Variants in PHACTR2 observed in about 807,000 individuals in gnomAD.
PHACTR2 encodes phosphatase and actin regulator 2, also known as chromosome 6 open reading frame 56.
A neutral mutation model predicts 76.0 loss-of-function variants in PHACTR2; 30 were observed. The observed-to-expected ratio is 0.39, with a 90% CI of 0.30 to 0.54. PHACTR2 has a LOEUF of 0.54. Ranked by LOEUF, PHACTR2 falls within the 20% of genes least tolerant of loss-of-function variation. The pLI is 0.61. For missense variants in PHACTR2, 696 were observed against 781.1 expected (o/e 0.89, Z 1.30); for synonymous variants, 292 against 292.5 (o/e 1.00, Z 0.02).
At chr6:143,762,366 T>C (rs546286229) in intron 5 of PHACTR2, among the ~76,000 whole-genome samples, 1 of 152,316 alleles carries the variant, frequency 6.6e-6, no homozygotes, top group Non-Finnish European at 1.5e-5. Context: ...TTTTTCCAGA[T>C]ATTTTGCTTG....
Position 143,557,808 on chromosome 6 carries a change from G to C in PHACTR2, c.217+20601G>C, listed in dbSNP as rs1160107579. 5 of 152,200 alleles carry C rather than the reference G, an allele frequency of 3.3e-5. No individual in the cohort carries two copies. The South Asian group carries it at 1.0e-3, about 32-fold the overall frequency. 9.4% of individuals were successfully genotyped at this position (152,200 alleles called of 1,614,324 possible). On this transcript the variant is annotated intron_variant, in intron 1 of 11. Transcript: ENST00000367584. The surrounding 1 kb of genome is among the most constrained non-coding windows in gnomAD (Gnocchi z 5.5). The stretch of plus-strand genomic sequence containing the variant: ...ATAGAAATGTAAAAGTTGACACCTT[G>C]TCAGTGGGAAGCGAAGTCAGGTCAT...
chr6:143,676,133 G>A (rs181939488), upstream of PHACTR2, among the ~76,000 whole-genome samples: 118 of 152,276 alleles, frequency 7.7e-4, no homozygotes, highest in Non-Finnish European at 1.3e-3. The surrounding 1 kb of genome is among the most constrained non-coding windows in gnomAD (Gnocchi z 4.8). Flanking sequence ...TAATGTAATG[G>A]AACTGGAAGA....
chr6:143,538,974 G>T (rs535976398), intron 1 of PHACTR2, among the ~76,000 whole-genome samples: 1 of 152,286 alleles, frequency 6.6e-6, no homozygotes, highest in East Asian at 1.9e-4. Context: ...GGATTATTTT[G>T]ATTGATTTCT....
In PHACTR2 at chr6:143,567,526, G is replaced by A. The variant is rs537432513; in HGVS notation, c.217+30319G>A. Among the ~76,000 whole-genome samples, 7 of 152,268 alleles carry A rather than the reference G, an allele frequency of 4.6e-5. No homozygotes were observed. In the East Asian group the frequency reaches 9.6e-4, roughly 21 times the overall value. ...TGATTCTTCTGTCTGAGCCTCCTGC[G>A]TAGCTGGAACTACAGGCACACGCCG... On this transcript the variant is annotated intron_variant, in intron 1 of 11. Transcript: ENST00000367584.
intron 1 of PHACTR2, among the ~76,000 whole-genome samples, chr6:143,669,275 G>A (rs1460313439): frequency 2.0e-5 from 3 of 152,154 alleles, no homozygotes; most frequent in Non-Finnish European, 4.4e-5. Flanking sequence ...ATTTGCTGAG[G>A]AGTGTTTTAC....
intron 12 of PHACTR2, among the ~76,000 whole-genome samples, chr6:143,808,127 ATTTTTTT>A (rs35192258): frequency 1.5e-5 from 2 of 130,406 alleles, no homozygotes; most frequent in Admixed American, 7.6e-5. Context: ...ACAATCCAAA[ATTTTTTT>A]TTTTTTTTTT....
Position 143,581,244 on chromosome 6 carries a change from A to G in PHACTR2, c.217+44037A>G, listed in dbSNP as rs1350586899. Among the ~76,000 whole-genome samples, 2 of 152,254 alleles carry G rather than the reference A, an allele frequency of 1.3e-5. No homozygotes were observed. Among genetic ancestry groups the G allele is most frequent in the East Asian group, 3.9e-4 (2 of 5,166 alleles). On this transcript the variant is annotated intron_variant, in intron 1 of 11. Transcript: ENST00000367584. This position sits in a 1 kb window ranked among gnomAD's most constrained non-coding sequence, Gnocchi z 4.5. ...TTACCTGGTTTCTGCTCCTTTGACT[A>G]TGGCATAGACTCTGTAGATGTCTGT...
rs1225421500 is a variant in PHACTR2 at position 143,708,028 on chromosome 6, A to G, written c.47-3988A>G. Among the ~76,000 whole-genome samples the G allele has an allele frequency of 6.6e-6, 1 of 152,178 alleles. No individual in the cohort carries two copies. Among genetic ancestry groups the G allele is most frequent in the African/African-American group, 2.4e-5 (1 of 41,438 alleles). ...AGCAATTCATGAAAACTCTGCCACC[A>G]TGATCCATACCTCCCACCAGGCTCC... On this transcript the variant is annotated intron_variant, in intron 1 of 12. Coordinates refer to ENST00000440869, the MANE Select transcript of PHACTR2 (RefSeq NM_001100164.2). The surrounding 1 kb of genome is among the most constrained non-coding windows in gnomAD (Gnocchi z 5.5).
At chr6:143,715,872 C>G (rs1447027667) in intron 2 of PHACTR2, among the ~76,000 whole-genome samples, 1 of 152,192 alleles carries the variant, frequency 6.6e-6, no homozygotes. Context: ...GATTTATTTT[C>G]TCCTCACGCA....
intron 11 of PHACTR2, among the ~76,000 whole-genome samples, chr6:143,796,761 T>C (rs1281402658): frequency 1.3e-5 from 2 of 152,226 alleles, no homozygotes; most frequent in African/African-American, 4.8e-5. Context: ...TATGGCTGCA[T>C]AGTGTTCCAT....
rs1777801695 is a variant in PHACTR2 at position 143,697,582 on chromosome 6, C to T, written c.47-14434C>T. On this transcript the variant is annotated intron_variant, in intron 1 of 12. Transcript: ENST00000440869. The surrounding 1 kb of genome is among the most constrained non-coding windows in gnomAD (Gnocchi z 4.4). ...AAAACTGTGTCAGCAATGTCTGTAC[C>T]ATTCTTATGAGTGTTAATCATCCTT... Among the ~76,000 whole-genome samples, 2 of 152,082 alleles carry T rather than the reference C, an allele frequency of 1.3e-5. No homozygotes were observed. Among genetic ancestry groups the T allele is most frequent in the Admixed American group, 6.6e-5 (1 of 15,266 alleles).
In PHACTR2 at chr6:143,780,460, A is replaced by G. The variant is rs1027419951; in HGVS notation, c.1646-2759A>G. Among the ~76,000 whole-genome samples, 2 of 152,208 alleles carry G rather than the reference A, an allele frequency of 1.3e-5. No homozygotes were observed. The highest frequency in any genetic ancestry group is 2.9e-5 in the Non-Finnish European group (2 of 68,038). ...GATCTCATCTCCACCAAAAATTGAA[A>G]AAACAAAACATCTACATGGAAACAT... On this transcript the variant is annotated intron_variant, in intron 9 of 12. Transcript: ENST00000440869. This position sits in a 1 kb window ranked among gnomAD's most constrained non-coding sequence, Gnocchi z 4.4.
rs530564769 is a variant in PHACTR2, at chr6:143,733,152, C to T, written c.215-15833C>T. ...CTTCAAGTGATTGTCCTACCTTGACCTCCCAAAGTGCTGGGATTATAGATG... is the reference window on the plus strand; with the variant it reads ...CTTCAAGTGATTGTCCTACCTTGACTTCCCAAAGTGCTGGGATTATAGATG... On this transcript the variant is annotated intron_variant, in intron 2 of 12. Transcript: ENST00000440869. This position sits in a 1 kb window ranked among gnomAD's most constrained non-coding sequence, Gnocchi z 4.0. Among the ~76,000 whole-genome samples the T allele has an allele frequency of 6.6e-6, 1 of 152,196 alleles. No homozygotes were observed. Among genetic ancestry groups the T allele is most frequent in the African/African-American group, 2.4e-5 (1 of 41,454 alleles).
At chr6:143,620,192 T>C (rs1776128415) in intron 1 of PHACTR2, among the ~76,000 whole-genome samples, 1 of 152,194 alleles carries the variant, frequency 6.6e-6, no homozygotes, top group South Asian at 2.1e-4. Flanking sequence ...AGCTCCAGCT[T>C]TAACTTCTAA....
chr6:143,555,205 T>TCGAGC (rs1338873769), intron 1 of PHACTR2: 2 of 152,122 alleles, frequency 1.3e-5, no homozygotes, highest in Admixed American at 1.3e-4. Context: ...CACATTTACG[T>TCGAGC]CGAGCCTGCC....
At position 143,695,637 on chromosome 6, in the gene PHACTR2, G is replaced by A. The variant is rs1419733394; in HGVS notation, c.47-16379G>A. On this transcript the variant is annotated intron_variant, in intron 1 of 12. Coordinates refer to ENST00000440869, the MANE Select transcript of PHACTR2 (RefSeq NM_001100164.2). The surrounding 1 kb of genome is among the most constrained non-coding windows in gnomAD (Gnocchi z 4.4). ...TTAAAAGGGAAGGGCAGAATAAACA[G>A]AGGGCCCTTTGATAATGATTTCTTA... Among the ~76,000 whole-genome samples the A allele has an allele frequency of 6.6e-6, 1 of 152,236 alleles. No individual in the cohort carries two copies. The highest frequency in any genetic ancestry group is 1.5e-5 in the Non-Finnish European group (1 of 68,048).
At position 143,549,262 on chromosome 6, in the gene PHACTR2, G is replaced by C. The variant is rs1339147407; in HGVS notation, c.217+12055G>C. ...TCAGGCCTAGGTCTCTTCCCAAATGGAACAATATGGTAGTGAGGCCAGTTC... is the reference window on the plus strand; with the variant it reads ...TCAGGCCTAGGTCTCTTCCCAAATGCAACAATATGGTAGTGAGGCCAGTTC... On this transcript the variant is annotated intron_variant, in intron 1 of 11. Transcript: ENST00000367584. The surrounding 1 kb of genome is among the most constrained non-coding windows in gnomAD (Gnocchi z 4.2). 2.6e-5 allele frequency among the ~76,000 whole-genome samples: 4 copies of C among 152,014 alleles called. No individual in the cohort carries two copies. Among genetic ancestry groups the C allele is most frequent in the African/African-American group, 9.7e-5 (4 of 41,418 alleles).
At chr6:143,690,005 C>T (rs1777605320) in intron 1 of PHACTR2, among the ~76,000 whole-genome samples, 1 of 152,174 alleles carries the variant, frequency 6.6e-6, no homozygotes, top group South Asian at 2.1e-4. Flanking sequence ...CCCCAACATT[C>T]TTATATTGTG....
rs926420185 is a variant in PHACTR2, at chr6:143,617,547, C to T, written c.13+9225C>T. ...CATTGGTGTTTGTTTAAAAGCTCCC[C>T]ACTATATTCTAATGAGCCATGAGGG... On this transcript the variant is annotated intron_variant, in intron 1 of 11. Transcript: ENST00000305766. The surrounding 1 kb of genome is among the most constrained non-coding windows in gnomAD (Gnocchi z 4.8). Among the ~76,000 whole-genome samples, 1 of 152,194 alleles carries T rather than the reference C, an allele frequency of 6.6e-6. No individual in the cohort carries two copies. The highest frequency in any genetic ancestry group is 1.5e-5 in the Non-Finnish European group (1 of 68,034).
Sources: allele counts gnomAD v4.1 joint callset (sites outside exome capture counted in the v4.1 genomes callset), GRCh38; gene constraint gnomAD v4.1.1; non-coding constraint Gnocchi (gnomAD v3.1); transcripts MANE v1.5; gene names NCBI Gene and HGNC (gene_info 2026-07-23, HGNC 2026-07-21).